The following CELF2 variants were observed in gnomAD, a reference collection of about 807,000 sequenced individuals.
CELF2 encodes the protein CUG triplet repeat RNA-binding protein 2.
A neutral mutation model predicts 62.6 loss-of-function variants in CELF2; 8 were observed. That is an observed-to-expected ratio of 0.13 (90% CI 0.07 to 0.23). The LOEUF (loss-of-function observed/expected upper bound fraction) is 0.23. CELF2 is among the 10% of genes least tolerant of loss of function. CELF2 has a pLI of 1.00. For synonymous variants in CELF2, 258 were observed against 250.0 expected (o/e 1.03, Z -0.30); for missense variants, 333 against 671.0 (o/e 0.50, Z 5.56).
intron 1 of CELF2, among the ~76,000 whole-genome samples, chr10:10,800,192 G>A (rs1448387534): frequency 6.6e-6 from 1 of 152,186 alleles, no homozygotes; most frequent in African/African-American, 2.4e-5. Context: ...AGTACTGCAT[G>A]TCATATTCTA....
chr10:10,764,429 T>C, the CELF2 span, among the ~76,000 whole-genome samples: 1 of 152,058 alleles, frequency 6.6e-6, no homozygotes, highest in African/African-American at 2.4e-5. Flanking sequence ...ACAAATACGA[T>C]GGAGCACTTC....
At chr10:10,589,354 G>T in the CELF2 span, among the ~76,000 whole-genome samples, 6 of 152,166 alleles carry the variant, frequency 3.9e-5, no homozygotes, top group Non-Finnish European at 7.4e-5. Context: ...AGAGTTAAAG[G>T]ATTTGTTCTA....
chr10:11,197,026 A>AAGAAGG (rs774739669), intron 2 of CELF2, among the ~76,000 whole-genome samples: 3 of 1,604 alleles, frequency 1.9e-3, no homozygotes, highest in Non-Finnish European at 4.8e-3. Context: ...GAAAGAAAGA[A>AAGAAGG]AAGAAAGAAA....
intron 2 of CELF2, chr10:11,168,947 G>A (rs370556072): frequency 1.3e-5 from 2 of 152,138 alleles, no homozygotes; most frequent in African/African-American, 4.8e-5. Flanking sequence ...TTTTATTCAG[G>A]GTTCATCTGT....
chr10:10,821,879 A>AATC (rs1266701228), intron 1 of CELF2, among the ~76,000 whole-genome samples: 2 of 152,156 alleles, frequency 1.3e-5, no homozygotes, highest in African/African-American at 4.8e-5. Context: ...GGGCTCAAGC[A>AATC]ATCCTCCTGC....
Position 11,038,481 on chromosome 10 carries a change from G to C in CELF2, c.74+20318G>C, listed in dbSNP as rs534865772. On this transcript the variant is annotated intron_variant, in intron 1 of 12. Coordinates refer to ENST00000633077, the MANE Select transcript of CELF2 (RefSeq NM_001326342.2). Reference sequence around the variant, plus strand: ...CAGGTTGGTTGTCGACTTAGGCAAGGTGTGAAGTTAATCCTATTAGACAGT... The same window carrying C: ...CAGGTTGGTTGTCGACTTAGGCAAGCTGTGAAGTTAATCCTATTAGACAGT... Among the ~76,000 whole-genome samples, 270 of 152,294 alleles carry C rather than the reference G, an allele frequency of 1.8e-3. 1 individual carries two copies. Among genetic ancestry groups the C allele is most frequent in the Admixed American group, 3.2e-3 (49 of 15,304 alleles).
intron 2 of CELF2, among the ~76,000 whole-genome samples, chr10:10,955,208 C>G (rs1033104970): frequency 6.6e-6 from 1 of 152,216 alleles, no homozygotes; most frequent in East Asian, 1.9e-4. Flanking sequence ...GTAACCTGCT[C>G]AAGGCCACGT....
the CELF2 span, among the ~76,000 whole-genome samples, chr10:10,720,393 C>T: frequency 6.6e-6 from 1 of 152,298 alleles, no homozygotes; most frequent in South Asian, 2.1e-4. Flanking sequence ...CCAGCACCCC[C>T]TTTGGGTGAT....
chr10:10,548,001 T>G, the CELF2 span, among the ~76,000 whole-genome samples: 1 of 152,150 alleles, frequency 6.6e-6, no homozygotes, highest in Admixed American at 6.5e-5. Context: ...ATTTTTCGAT[T>G]TCATGTTATT....
chr10:10,716,896 A>T, the CELF2 span, among the ~76,000 whole-genome samples: 1 of 152,206 alleles, frequency 6.6e-6, no homozygotes, highest in Admixed American at 6.5e-5. Context: ...TGCTTTAATT[A>T]AGCCTAACAT....
At position 11,005,381 on chromosome 10, in the gene CELF2, T is replaced by A; in HGVS notation, c.-7T>A. ...CTGGCTTTTGTTGAGACTATCAGTA[T>A]AGAAGCATGCGCTGTCCCAAATCCG... On this transcript the variant is annotated 5_prime_UTR_variant, in exon 1 of 13. Coordinates refer to the CELF2 transcript ENST00000416382. This position sits in a 1 kb window ranked among gnomAD's most constrained non-coding sequence, Gnocchi z 4.3. The A allele has an allele frequency of 6.2e-7, 1 of 1,613,902 alleles. No homozygotes were observed. The highest frequency in any genetic ancestry group is 1.1e-5 in the South Asian group (1 of 91,080).
intron 2 of CELF2, chr10:10,935,495 G>T (rs2066529258): frequency 6.6e-6 from 1 of 152,212 alleles, no homozygotes; most frequent in Admixed American, 6.5e-5. Context: ...AGGTCATACA[G>T]TGGCTGGTAA....
At chr10:10,508,653 T>G in the CELF2 span, among the ~76,000 whole-genome samples, 30 of 146,846 alleles carry the variant, frequency 2.0e-4, no homozygotes, top group Admixed American at 4.9e-4. Flanking sequence ...CCAGATTTCT[T>G]AAACAGATGT....
At chr10:10,962,940 A>G (rs1449229068) in intron 2 of CELF2, among the ~76,000 whole-genome samples, 3 of 152,100 alleles carry the variant, frequency 2.0e-5, no homozygotes, top group African/African-American at 7.3e-5. Flanking sequence ...TGTTTTCATC[A>G]AACGTGCAAT....
At position 11,330,063 on chromosome 10, in the gene CELF2, TC is replaced by T. The variant is rs1032061732; in HGVS notation, c.*1011del. On this transcript the variant is annotated 3_prime_UTR_variant, in exon 13 of 13. Coordinates refer to ENST00000633077, the MANE Select transcript of CELF2 (RefSeq NM_001326342.2). The surrounding 1 kb of genome is among the most constrained non-coding windows in gnomAD (Gnocchi z 4.5). ...AATTGTTCTAGGAATGGGCTTTTTTTCACCGTTGAACCCTAGACCTGAAGTT... is the reference window on the plus strand; with the variant it reads ...AATTGTTCTAGGAATGGGCTTTTTTTACCGTTGAACCCTAGACCTGAAGTT... 1 of 152,800 alleles carries T rather than the reference TC, an allele frequency of 6.5e-6. No homozygotes were observed. The highest frequency in any genetic ancestry group is 6.5e-5 in the Admixed American group (1 of 15,312). 9.5% of individuals were successfully genotyped at this position (152,800 alleles called of 1,614,324 possible).
chr10:10,630,650 A>T, the CELF2 span, among the ~76,000 whole-genome samples: 3 of 152,244 alleles, frequency 2.0e-5, no homozygotes. Context: ...AAGCATAAAC[A>T]TAGATACTAT....
the CELF2 span, among the ~76,000 whole-genome samples, chr10:10,680,653 G>A: frequency 1.9e-4 from 29 of 152,278 alleles, no homozygotes; most frequent in East Asian, 1.7e-3. Context: ...TGGATAGCGC[G>A]TGGCCCAAGG....
chr10:10,547,415 C>G, the CELF2 span, among the ~76,000 whole-genome samples: 1 of 152,204 alleles, frequency 6.6e-6, no homozygotes, highest in East Asian at 1.9e-4. Flanking sequence ...ACAGAGTGAA[C>G]AAGTGATGAA....
intron 1 of CELF2, among the ~76,000 whole-genome samples, chr10:11,035,623 A>G (rs79272526): frequency 0.012 from 1,766 of 152,320 alleles, 36 homozygotes; most frequent in African/African-American, 0.039. Context: ...AATCTGAGAT[A>G]CTTTTTCACT....
Sources: allele counts gnomAD v4.1 joint callset (sites outside exome capture counted in the v4.1 genomes callset), GRCh38; gene constraint gnomAD v4.1.1; non-coding constraint Gnocchi (gnomAD v3.1); transcripts MANE v1.5; gene names NCBI Gene and HGNC (gene_info 2026-07-23, HGNC 2026-07-21).